Variants in CUX1 observed in about 807,000 individuals in gnomAD.
CUX1 encodes the protein protein CASP.
In CUX1, 31 loss-of-function variants were observed where a neutral mutation model predicts 158.8. The observed-to-expected ratio is 0.20, with a 90% confidence interval of 0.15 to 0.26. The LOEUF is 0.26. CUX1 is among the 10% of genes least tolerant of loss of function. The pLI, the probability that CUX1 is intolerant of heterozygous loss-of-function variation, is 1.00. For missense variants in CUX1, 1,589 were observed against 2,014.6 expected (o/e 0.79, Z 4.04); for synonymous variants, 879 against 862.1 (o/e 1.02, Z -0.34).
At chr7:102,112,639 A>C (rs1831054708) in intron 7 of CUX1, among the ~76,000 whole-genome samples, 1 of 151,252 alleles carries the variant, frequency 6.6e-6, no homozygotes, top group Non-Finnish European at 1.5e-5. Flanking sequence ...GTGTGATCTC[A>C]GGTCACTGAA....
chr7:102,242,929 GAGA>G (rs782422527), intron 23 of CUX1, among the ~76,000 whole-genome samples: 28 of 152,314 alleles, frequency 1.8e-4, no homozygotes, highest in African/African-American at 6.3e-4. Flanking sequence ...GAGAAGGGGA[GAGA>G]AGAAGAATAC....
At chr7:102,233,830 A>C (rs1554531601) in intron 21 of CUX1, among the ~76,000 whole-genome samples, 2 of 152,168 alleles carry the variant, frequency 1.3e-5, no homozygotes, top group African/African-American at 4.8e-5. Flanking sequence ...GGTTGTGTGT[A>C]CGGAGAATGC....
At chr7:101,984,869 A>G (rs1814073852) in intron 2 of CUX1, among the ~76,000 whole-genome samples, 1 of 152,218 alleles carries the variant, frequency 6.6e-6, no homozygotes, top group Admixed American at 6.5e-5. Flanking sequence ...TAATTTTATT[A>G]TATATTAAAG....
At chr7:102,023,904 G>A (rs190853950) in intron 2 of CUX1, among the ~76,000 whole-genome samples, 9 of 152,294 alleles carry the variant, frequency 5.9e-5, no homozygotes, top group East Asian at 1.9e-4. Context: ...TATTTTTGTA[G>A]GTCTGTTAGG....
intron 1 of CUX1, among the ~76,000 whole-genome samples, chr7:101,885,200 C>T (rs575703838): frequency 7.2e-5 from 11 of 152,306 alleles, no homozygotes; most frequent in Admixed American, 4.6e-4. Flanking sequence ...TCAGGGCAGG[C>T]GTGCCCTGAT....
chr7:102,163,001 A>G (rs1290682749), intron 9 of CUX1, among the ~76,000 whole-genome samples: 1 of 152,208 alleles, frequency 6.6e-6, no homozygotes, highest in Non-Finnish European at 1.5e-5. Flanking sequence ...GAAGGCTCAA[A>G]GGGTCCCTTT....
intron 1 of CUX1, among the ~76,000 whole-genome samples, chr7:101,906,478 G>A (rs1000954929): frequency 1.3e-5 from 2 of 151,976 alleles, no homozygotes; most frequent in African/African-American, 4.8e-5. Flanking sequence ...GGACACTAGG[G>A]GAACGTCAGC....
intron 16 of CUX1, 87 bp from the exon 17 acceptor site, chr7:102,199,984 G>A: frequency 8.9e-7 from 1 of 1,128,912 alleles, no homozygotes; most frequent in Non-Finnish European, 1.3e-6. Flanking sequence ...CCCACCCGGG[G>A]CTATATATCA....
chr7:102,034,806 G>A (rs1266959562), intron 3 of CUX1, among the ~76,000 whole-genome samples: 1 of 150,720 alleles, frequency 6.6e-6, no homozygotes, highest in African/African-American at 2.4e-5. Context: ...GGTGGGTGCA[G>A]GCCTGTACAC....
chr7:101,967,763 A>T (rs1170752238), intron 2 of CUX1, among the ~76,000 whole-genome samples: 1 of 152,230 alleles, frequency 6.6e-6, no homozygotes, highest in African/African-American at 2.4e-5. Flanking sequence ...CTAGACAAGT[A>T]ATTTCCTCTC....
At chr7:102,091,711 GAA>G (rs1828600240) in intron 4 of CUX1, among the ~76,000 whole-genome samples, 2 of 152,182 alleles carry the variant, frequency 1.3e-5, no homozygotes, top group African/African-American at 4.8e-5. Context: ...TTTGCCAAGA[GAA>G]AACCAACAAA....
intron 1 of CUX1, among the ~76,000 whole-genome samples, chr7:101,912,951 C>G (rs1023264342): frequency 3.3e-5 from 5 of 152,280 alleles, no homozygotes; most frequent in African/African-American, 1.2e-4. Flanking sequence ...GGACCCCCAC[C>G]TCCACCTCCC....
chr7:101,993,261 T>C (rs1046485098), intron 2 of CUX1, among the ~76,000 whole-genome samples: 2 of 151,782 alleles, frequency 1.3e-5, no homozygotes, highest in Non-Finnish European at 2.9e-5. Flanking sequence ...ACCCGGGAGG[T>C]AGAGGTTGCA....
At chr7:101,836,218 C>T (rs766753563) in intron 1 of CUX1, among the ~76,000 whole-genome samples, 1 of 152,182 alleles carries the variant, frequency 6.6e-6, no homozygotes, top group Non-Finnish European at 1.5e-5. Context: ...CTGCTTTTAA[C>T]ACCCAGCCCG....
chr7:102,146,575 A>T (rs1216613055), intron 8 of CUX1, among the ~76,000 whole-genome samples: 1 of 151,992 alleles, frequency 6.6e-6, no homozygotes, highest in East Asian at 1.9e-4. Flanking sequence ...ACTCGTTCTT[A>T]TGTTCGTTGG....
At chr7:102,216,606 A>ACACT (rs1286349924) in intron 20 of CUX1, among the ~76,000 whole-genome samples, 37 of 68,262 alleles carry the variant, frequency 5.4e-4, no homozygotes, top group East Asian at 1.8e-3. Flanking sequence ...TCCCACACAC[A>ACACT]CACACACACT....
intron 18 of CUX1, chr7:102,278,087 C>A: frequency 3.9e-6 from 6 of 1,547,032 alleles, no homozygotes; most frequent in Non-Finnish European, 5.3e-6. Flanking sequence ...CCCCTGGCCT[C>A]AGCTCCAGGT....
intron 12 of CUX1, among the ~76,000 whole-genome samples, chr7:102,190,380 A>G (rs930300865): frequency 1.3e-5 from 2 of 152,100 alleles, no homozygotes; most frequent in African/African-American, 4.8e-5. Context: ...CTCAAGCTTC[A>G]AAGTTCCTTT....
chr7:101,839,170 T>C (rs1431795214), intron 1 of CUX1, among the ~76,000 whole-genome samples: 1 of 152,182 alleles, frequency 6.6e-6, no homozygotes, highest in East Asian at 1.9e-4. Flanking sequence ...AGTACCATCA[T>C]ATTGGAGGCT....
Sources: allele counts gnomAD v4.1 joint callset (sites outside exome capture counted in the v4.1 genomes callset), GRCh38; gene constraint gnomAD v4.1.1; transcripts MANE v1.5; gene names NCBI Gene and HGNC (gene_info 2026-07-23, HGNC 2026-07-21).